Variants in SCAMP5 observed in about 807,000 individuals in gnomAD.
SCAMP5 encodes secretory carrier-associated membrane protein 5.
Under a neutral mutation model 28.3 loss-of-function variants are expected in SCAMP5, and 7 were observed. That is an observed-to-expected ratio of 0.25 (90% CI 0.14 to 0.46). The LOEUF (loss-of-function observed/expected upper bound fraction) is 0.46, where lower values mean the gene tolerates loss of function less well. Among genes scored for constraint, SCAMP5 ranks in the 20% least tolerant of loss-of-function variants. The probability of loss-of-function intolerance (pLI) is 0.99; values close to 1 mark genes in which losing one functional copy is unlikely to be tolerated. For missense variants in SCAMP5, 192 were observed against 312.5 expected, an observed-to-expected ratio of 0.61 and a Z score of 2.91; for synonymous variants, 117 against 116.4, an observed-to-expected ratio of 1.00 and a Z score of -0.03.
chr15:75,015,401 G>A (rs559953398), intron 3 of SCAMP5, among the ~76,000 whole-genome samples: 68 of 151,684 alleles, frequency 4.5e-4, no homozygotes, highest in African/African-American at 1.3e-3. Context: ...CCTGCTGGCC[G>A]TGACTCAGTG....
chr15:75,008,367 T>C (rs2065780461), intron 1 of SCAMP5, among the ~76,000 whole-genome samples: 1 of 152,128 alleles, frequency 6.6e-6, no homozygotes, highest in Non-Finnish European at 1.5e-5. Context: ...AGCAAATTCA[T>C]ATGTGCATTC....
intron 3 of SCAMP5, 166 bp downstream of exon 3, chr15:75,012,971 T>C: frequency 1.5e-6 from 1 of 653,642 alleles, no homozygotes; most frequent in Non-Finnish European, 2.6e-6. Flanking sequence ...CAGAGGCTTC[T>C]TCCATGGGCC....
chr15:75,006,999 C>T (rs144818832), intron 1 of SCAMP5, among the ~76,000 whole-genome samples: 251 of 152,196 alleles, frequency 1.6e-3, no homozygotes, highest in African/African-American at 5.8e-3. Context: ...GTCTAATTGT[C>T]CCAAATTTGG....
chr15:75,011,738 C>A, intron 1 of SCAMP5, 54 bp from the exon 2 acceptor site: 1 of 946,292 alleles, frequency 1.1e-6, no homozygotes, highest in South Asian at 1.5e-5. Context: ...TAGAGAGGGA[C>A]TGGGTTGGGT....
Position 75,012,826 on chromosome 15 carries a change from G to A in SCAMP5, c.136+21G>A, listed in dbSNP as rs200339367. 2.5e-6 allele frequency: 4 copies of A among 1,613,656 alleles called. No homozygotes were observed. The Admixed American group carries it at 5.0e-5, about 20-fold the overall frequency. On this transcript the variant is annotated intron_variant, in intron 3 of 6. Coordinates refer to ENST00000425597, the MANE Select transcript of SCAMP5 (RefSeq NM_138967.4). ...GATGTGTGAGTGCCATGGGATGGGG[G>A]TGGGCCAGGGTGGCTGGAGGAGGCA...
At position 75,018,328 on chromosome 15, in the gene SCAMP5, C is replaced by T; in HGVS notation, c.396-90C>T. On this transcript the variant is annotated intron_variant, in intron 5 of 6. Transcript: ENST00000425597. The surrounding 1 kb of genome is among the most constrained non-coding windows in gnomAD (Gnocchi z 5.6). ...CTGCATCCAGTGATATGTTTCCTCC[C>T]TGTGGCAATGAGACGGTCCCTTCCT... The T allele has an allele frequency of 1.2e-6, 1 of 820,338 alleles. No individual in the cohort carries two copies. Among genetic ancestry groups the T allele is most frequent in the Non-Finnish European group, 2.2e-6 (1 of 458,846 alleles). 50.8% of individuals were successfully genotyped at this position (820,338 alleles called of 1,614,324 possible). A position where few individuals can be genotyped will look rare whatever the true frequency, so the allele number is the denominator to read the frequency against.
intron 1 of SCAMP5, among the ~76,000 whole-genome samples, chr15:75,006,421 G>A (rs2065759916): frequency 1.3e-5 from 2 of 152,018 alleles, no homozygotes; most frequent in South Asian, 4.1e-4. Flanking sequence ...GGGAGGCTGA[G>A]GTGGGTGGAT....
At chr15:75,014,521 C>T (rs961806020) in intron 3 of SCAMP5, among the ~76,000 whole-genome samples, 2 of 152,216 alleles carry the variant, frequency 1.3e-5, no homozygotes, top group African/African-American at 2.4e-5. Context: ...GTTCATTTGA[C>T]ATTGGCTGAT....
chr15:74,998,863 C>A (rs1297172381), intron 1 of SCAMP5, among the ~76,000 whole-genome samples: 1 of 152,210 alleles, frequency 6.6e-6, no homozygotes, highest in African/African-American at 2.4e-5. Context: ...GCTGCACTGA[C>A]TTCTCTGGAA....
intron 1 of SCAMP5, among the ~76,000 whole-genome samples, chr15:75,007,310 A>T (rs1191469254): frequency 6.6e-6 from 1 of 152,192 alleles, no homozygotes; most frequent in African/African-American, 2.4e-5. Flanking sequence ...CTCCTGTAGT[A>T]TACGGGCAAA....
chr15:75,012,151 T>C (rs1393388051), intron 2 of SCAMP5, among the ~76,000 whole-genome samples: 24 of 152,354 alleles, frequency 1.6e-4, no homozygotes, highest in Non-Finnish European at 1.8e-4. Flanking sequence ...CTGTCTCTAT[T>C]GCTTTCTAAT....
In SCAMP5 at chr15:75,005,447, C is replaced by T. The variant is rs2065747963; in HGVS notation, c.-48-6345C>T. Among the ~76,000 whole-genome samples, 3 of 148,668 alleles carry T rather than the reference C, an allele frequency of 2.0e-5. No homozygotes were observed. In the South Asian group the frequency reaches 6.3e-4, roughly 31 times the overall value. On this transcript the variant is annotated intron_variant, in intron 1 of 6. Transcript: ENST00000425597. ...TGCACTCCATCCTAGGCAATAAGAG[C>T]GAAACTCCGTTTCAAAAAAAAAAAA...
rs374045413 is a variant in SCAMP5 at position 75,012,784 on chromosome 15, C to A, written c.115C>A (p.Arg39Ser). The A allele has an allele frequency of 2.5e-6, 4 of 1,613,988 alleles. No individual in the cohort carries two copies. The South Asian group carries it at 4.4e-5, about 18-fold the overall frequency. ...IPPQHVSMTK[R>S]LYYLWMLNSV... ...TCCCCAGCATGTCAGCATGACCAAGCGCCTCTACTACCTCTGGATGTGTGA... is the reference window on the plus strand; with the variant it reads ...TCCCCAGCATGTCAGCATGACCAAGAGCCTCTACTACCTCTGGATGTGTGA... The change falls in exon 3 of 7, where the codon CGC (arginine) becomes AGC (serine). Residue 39 changes from arginine (R) to serine (S), a missense_variant. Physicochemically the swap from Arg to Ser is moderately radical, Grantham distance 110. Coordinates refer to ENST00000425597, the MANE Select transcript of SCAMP5 (RefSeq NM_138967.4).
At chr15:75,001,071 C>A (rs946025629) in intron 1 of SCAMP5, among the ~76,000 whole-genome samples, 61 of 150,574 alleles carry the variant, frequency 4.1e-4, no homozygotes, top group East Asian at 4.0e-4. Flanking sequence ...CTAGCCGAGA[C>A]CATCCTGGCT....
intron 2 of SCAMP5, among the ~76,000 whole-genome samples, chr15:75,012,447 G>A (rs1290666064): frequency 2.0e-5 from 3 of 152,202 alleles, no homozygotes; most frequent in Non-Finnish European, 2.9e-5. Flanking sequence ...AATAAATGCT[G>A]TCTGTCAAGG....
intron 1 of SCAMP5, among the ~76,000 whole-genome samples, chr15:75,003,467 C>A (rs1032994481): frequency 3.9e-5 from 6 of 152,012 alleles, no homozygotes; most frequent in Admixed American, 6.6e-5. Flanking sequence ...GTATATTTCC[C>A]CCCACTTTTT....
intron 4 of SCAMP5, chr15:75,017,578 C>G (rs780586803): frequency 1.6e-4 from 92 of 566,570 alleles, no homozygotes; most frequent in Non-Finnish European, 2.3e-4. Flanking sequence ...ACTATTTATT[C>G]CTGCCTCAGT....
chr15:75,010,557 A>G (rs916860000), intron 1 of SCAMP5, among the ~76,000 whole-genome samples: 14 of 152,180 alleles, frequency 9.2e-5, no homozygotes, highest in African/African-American at 3.4e-4. Context: ...TCATGCCTAT[A>G]ATCCCAGTGC....
chr15:75,011,799 C>G lies in SCAMP5; in HGVS notation c.-41C>G. ...GCTTTTCTTTCCTTGCAGTTCAGGA[C>G]AAAGAGGTGTGGGCAGGCCACTGGG... On this transcript the variant is annotated 5_prime_UTR_variant, in exon 2 of 7. Transcript: ENST00000425597. 3.1e-6 allele frequency: 5 copies of G among 1,603,110 alleles called. No individual in the cohort carries two copies. The highest frequency in any genetic ancestry group is 1.7e-6 in the Non-Finnish European group (2 of 1,170,650).
Sources: allele counts gnomAD v4.1 joint callset (sites outside exome capture counted in the v4.1 genomes callset), GRCh38; gene constraint gnomAD v4.1.1; non-coding constraint Gnocchi (gnomAD v3.1); transcripts MANE v1.5; gene names NCBI Gene and HGNC (gene_info 2026-07-23, HGNC 2026-07-21).